TNKS: variants seen among roughly 807,000 people sequenced by gnomAD.
TNKS encodes tankyrase, also known as poly [ADP-ribose] polymerase tankyrase-1.
Under a neutral mutation model 135.8 loss-of-function variants are expected in TNKS, and 72 were observed. That is an observed-to-expected ratio of 0.53 (90% CI 0.44 to 0.64). The LOEUF is 0.64. Among genes scored for constraint, TNKS ranks in the 30% least tolerant of loss-of-function variants. TNKS has a pLI of 0.00. For missense variants in TNKS, 1,769 were observed against 1,674.0 expected (o/e 1.06, Z -0.99); for synonymous variants, 849 against 649.3 (o/e 1.31, Z -4.68).
chr8:9,631,613 TC>T (rs1212581876), intron 3 of TNKS, among the ~76,000 whole-genome samples: 1 of 152,238 alleles, frequency 6.6e-6, no homozygotes, highest in Non-Finnish European at 1.5e-5. Flanking sequence ...ATCATCTCAT[TC>T]ATTCTAGTCT....
intron 25 of TNKS, among the ~76,000 whole-genome samples, chr8:9,768,951 T>C (rs1291118316): frequency 1.3e-5 from 2 of 152,208 alleles, no homozygotes; most frequent in Admixed American, 6.5e-5. Context: ...TGGTTACTTA[T>C]AACACAAAGC....
chr8:9,733,251 G>T (rs772730917), intron 14 of TNKS, 28 bp from the exon 15 acceptor site: 2 of 1,531,220 alleles, frequency 1.3e-6, no homozygotes, highest in Non-Finnish European at 1.7e-6. Flanking sequence ...TTTGTTTTAT[G>T]ACTTTAAAAT....
At position 9,748,087 on chromosome 8, in the gene TNKS, G is replaced by C. The variant is rs917872559; in HGVS notation, c.2707G>C (p.Ala903Pro). Residue 903 changes from alanine to proline, a missense_variant, in exon 18 of 27, where the codon GCG becomes CCG. This residue lies in a region of TNKS where 722 missense variants were observed against 688.9 expected (regional missense o/e 1.05). Coordinates refer to ENST00000310430, the MANE Select transcript of TNKS (RefSeq NM_003747.3). Reference protein sequence around the residue: ...NTCVNATDKWAFTPLHEAAQK... With the variant: ...NTCVNATDKWPFTPLHEAAQK... ...GTGTGTAAATGCAACAGATAAGTGG[G>C]CGTTTACTCCCCTCCATGAAGCAGC... 1 of 1,613,930 alleles carries C rather than the reference G, an allele frequency of 6.2e-7. No homozygotes were observed. Among genetic ancestry groups the C allele is most frequent in the Non-Finnish European group, 8.5e-7 (1 of 1,179,974 alleles).
At chr8:9,762,545 G>T (rs1171019757) in intron 21 of TNKS, among the ~76,000 whole-genome samples, 1 of 152,124 alleles carries the variant, frequency 6.6e-6, no homozygotes, top group East Asian at 1.9e-4. Flanking sequence ...GTATGTTCAT[G>T]ATAGAGTTTA....
intron 3 of TNKS, among the ~76,000 whole-genome samples, chr8:9,659,513 A>G (rs1313479598): frequency 6.6e-6 from 1 of 152,246 alleles, no homozygotes; most frequent in Non-Finnish European, 1.5e-5. Context: ...TGAAGGCAGA[A>G]ATAAAGATGT....
At chr8:9,767,073 G>C (rs905085104) in intron 25 of TNKS, among the ~76,000 whole-genome samples, 2 of 152,178 alleles carry the variant, frequency 1.3e-5, no homozygotes, top group African/African-American at 2.4e-5. Flanking sequence ...AGAACTGCTA[G>C]CTCTAGTCAC....
In TNKS at chr8:9,782,294, T is replaced by C. The variant is rs1364650406; in HGVS notation, c.*5558T>C. 2.0e-5 allele frequency: 3 copies of C among 152,684 alleles called. No homozygotes were observed. The highest frequency in any genetic ancestry group is 7.2e-5 in the African/African-American group (3 of 41,472). 9.5% of individuals were successfully genotyped at this position (152,684 alleles called of 1,614,324 possible). On this transcript the variant is annotated 3_prime_UTR_variant, in exon 27 of 27. Transcript: ENST00000310430. ...TGCAATTGTGCTTTGGCTTAATGTC[T>C]AGCTCACTGTACTTGTAAATGATTA...
chr8:9,586,177 C>T (rs1013181037), intron 2 of TNKS, among the ~76,000 whole-genome samples: 63 of 152,034 alleles, frequency 4.1e-4, no homozygotes, highest in Admixed American at 3.3e-3. Flanking sequence ...GTTCCAGATA[C>T]TTTTATATTT....
intron 5 of TNKS, among the ~76,000 whole-genome samples, chr8:9,704,155 G>C (rs1302557933): frequency 6.6e-6 from 1 of 152,074 alleles, no homozygotes; most frequent in African/African-American, 2.4e-5. Flanking sequence ...TGTCCTTTTT[G>C]TTTCCATTAA....
At chr8:9,774,448 A>T (rs1808112639) in intron 26 of TNKS, among the ~76,000 whole-genome samples, 2 of 152,216 alleles carry the variant, frequency 1.3e-5, no homozygotes, top group African/African-American at 4.8e-5. Flanking sequence ...TCAGAAAATG[A>T]GTTAGCAGAA....
At chr8:9,662,180 A>G (rs1021753738) in intron 3 of TNKS, among the ~76,000 whole-genome samples, 1 of 152,220 alleles carries the variant, frequency 6.6e-6, no homozygotes, top group African/African-American at 2.4e-5. Flanking sequence ...TGTGGAAGTC[A>G]GTGTGGCGAT....
At chr8:9,633,614 C>G (rs1328721532) in intron 3 of TNKS, among the ~76,000 whole-genome samples, 4 of 152,174 alleles carry the variant, frequency 2.6e-5, no homozygotes, top group Non-Finnish European at 5.9e-5. Context: ...TAGCATATGG[C>G]AGAGCTGATG....
In TNKS at chr8:9,580,343, G is replaced by A; in HGVS notation, c.858G>A (p.Leu286=). 6.2e-7 allele frequency: 1 copy of A among 1,614,142 alleles called. No homozygotes were observed. Among genetic ancestry groups the A allele is most frequent in the East Asian group, 2.2e-5 (1 of 44,878 alleles). The part of the protein sequence containing the change: ...NARDNWNYTP[L]HEAAIKGKID... Reference sequence around the variant, plus strand: ...GGGATAACTGGAACTATACACCTCTGCATGAAGCTGCTATTAAAGGGAAGA... The same window carrying A: ...GGGATAACTGGAACTATACACCTCTACATGAAGCTGCTATTAAAGGGAAGA... Residue 286 remains leucine, a synonymous_variant, in exon 2 of 27, where the codon CTG becomes CTA. Transcript: ENST00000310430.
intron 16 of TNKS, 90 bp downstream of exon 16, chr8:9,735,174 A>C: frequency 7.6e-7 from 1 of 1,316,358 alleles, no homozygotes; most frequent in Non-Finnish European, 1.0e-6. Flanking sequence ...CTGAACACAA[A>C]TGGGACTACT....
intron 13 of TNKS, among the ~76,000 whole-genome samples, chr8:9,728,353 G>A (rs1373917697): frequency 6.6e-6 from 1 of 152,190 alleles, no homozygotes; most frequent in Non-Finnish European, 1.5e-5. Context: ...TAAGTAGGAA[G>A]GATGTGAAAT....
intron 20 of TNKS, among the ~76,000 whole-genome samples, chr8:9,759,232 G>T (rs544624356): frequency 6.6e-6 from 1 of 152,214 alleles, no homozygotes; most frequent in African/African-American, 2.4e-5. Flanking sequence ...CTGCCATAGC[G>T]TGGCAGCCAG....
chr8:9,575,409 C>T (rs1797909927), intron 1 of TNKS: 1 of 985,342 alleles, frequency 1.0e-6, no homozygotes. Context: ...GGTGGGTCAA[C>T]TCTACCCTAC....
At chr8:9,736,076 T>C (rs1411509067) in intron 17 of TNKS, among the ~76,000 whole-genome samples, 3 of 72,294 alleles carry the variant, frequency 4.1e-5, no homozygotes, top group East Asian at 4.3e-4. Flanking sequence ...TTTATCAATA[T>C]TGTAATATAA....
At chr8:9,625,493 T>C (rs1800023260) in intron 3 of TNKS, among the ~76,000 whole-genome samples, 1 of 152,100 alleles carries the variant, frequency 6.6e-6, no homozygotes, top group East Asian at 1.9e-4. Context: ...TGACCTTTTT[T>C]CCCCTTTTTC....
Sources: gnomAD v4.1 joint callset for allele counts (sites outside exome capture counted in the v4.1 genomes callset) on GRCh38, gnomAD v4.1.1 for gene constraint, gnomAD v4.1.1 regional missense constraint, MANE v1.5 for transcripts, NCBI Gene and HGNC (gene_info 2026-07-23, HGNC 2026-07-21) for gene names.